HS6ST3: variants seen among roughly 807,000 people sequenced by gnomAD.
HS6ST3 encodes the protein heparan sulfate 6-O-sulfotransferase 3.
A neutral mutation model predicts 36.7 loss-of-function variants in HS6ST3; 12 were observed. That is an observed-to-expected ratio of 0.33 (90% confidence interval 0.21 to 0.53). HS6ST3 has a LOEUF of 0.53. Ranked by LOEUF, HS6ST3 falls within the 20% of genes least tolerant of loss-of-function variation. The pLI is 0.95. For synonymous variants in HS6ST3, 240 were observed against 257.5 expected (o/e 0.93, Z 0.65); for missense variants, 584 against 640.9 (o/e 0.91, Z 0.96).
chr13:96,548,839 A>T (rs540531765), intron 1 of HS6ST3, among the ~76,000 whole-genome samples: 26 of 152,288 alleles, frequency 1.7e-4, no homozygotes, highest in Admixed American at 1.2e-3. Context: ...CCCACGTGAG[A>T]GAGGGCAATC....
chr13:96,476,505 G>A (rs35732205), intron 1 of HS6ST3, among the ~76,000 whole-genome samples: 7,096 of 152,248 alleles, frequency 0.047, 215 homozygotes, highest in Middle Eastern at 0.092. Flanking sequence ...TGGGACTATA[G>A]GCGCCCACCA....
At chr13:96,262,415 G>T (rs371011184) in intron 1 of HS6ST3, among the ~76,000 whole-genome samples, 1 of 152,152 alleles carries the variant, frequency 6.6e-6, no homozygotes, top group Admixed American at 6.5e-5. Context: ...CTTCTGTGAC[G>T]TATGTGTCTG....
chr13:96,655,868 A>G (rs1328107550), intron 1 of HS6ST3, among the ~76,000 whole-genome samples: 1 of 152,114 alleles, frequency 6.6e-6, no homozygotes, highest in East Asian at 1.9e-4. Flanking sequence ...CAGGCTTCTC[A>G]GGGTTCCACT....
intron 1 of HS6ST3, among the ~76,000 whole-genome samples, chr13:96,398,305 C>T (rs1159217932): frequency 6.6e-6 from 1 of 152,058 alleles, no homozygotes; most frequent in Non-Finnish European, 1.5e-5. Context: ...TTTTTTGAGA[C>T]AGAATATTTC....
intron 1 of HS6ST3, among the ~76,000 whole-genome samples, chr13:96,317,673 TA>T (rs2054982661): frequency 6.6e-6 from 1 of 151,438 alleles, no homozygotes; most frequent in African/African-American, 2.4e-5. Flanking sequence ...TTTACATTCT[TA>T]GCCAACAGTA....
chr13:96,754,132 G>A (rs551187802), intron 1 of HS6ST3, among the ~76,000 whole-genome samples: 331 of 152,110 alleles, frequency 2.2e-3, no homozygotes, highest in Middle Eastern at 0.01. Flanking sequence ...ATGTTTTTTT[G>A]ATCCAAGTTT....
chr13:96,163,037 A>G (rs2054143287), intron 1 of HS6ST3, among the ~76,000 whole-genome samples: 2 of 152,084 alleles, frequency 1.3e-5, no homozygotes, highest in East Asian at 1.9e-4. Context: ...CCTGACTCCA[A>G]ACTTCTAACA....
In HS6ST3 at chr13:96,151,512, T is replaced by C. The variant is rs149125753; in HGVS notation, c.707+59943T>C. Among the ~76,000 whole-genome samples the C allele has an allele frequency of 5.3e-5, 8 of 152,262 alleles. No individual in the cohort carries two copies. In the East Asian group the frequency reaches 1.4e-3, roughly 26 times the overall value. On this transcript the variant is annotated intron_variant, in intron 1 of 1. Coordinates refer to ENST00000376705, the MANE Select transcript of HS6ST3 (RefSeq NM_153456.4). ...AGTCTAGATGGATATACGCACAGTG[T>C]CAACAGTGGTTATCTTTTGGTGGAG...
At chr13:96,201,337 A>G (rs1017382802) in intron 1 of HS6ST3, among the ~76,000 whole-genome samples, 2 of 152,106 alleles carry the variant, frequency 1.3e-5, no homozygotes, top group Non-Finnish European at 2.9e-5. Context: ...GGAGGAAGCC[A>G]TCCTAGATTA....
At chr13:96,504,728 C>T (rs1407783395) in intron 1 of HS6ST3, among the ~76,000 whole-genome samples, 1 of 151,870 alleles carries the variant, frequency 6.6e-6, no homozygotes, top group Non-Finnish European at 1.5e-5. Context: ...CCTTCTTTTC[C>T]CCCTCTTCAG....
At chr13:96,537,867 C>T (rs887651019) in intron 1 of HS6ST3, among the ~76,000 whole-genome samples, 3 of 152,092 alleles carry the variant, frequency 2.0e-5, no homozygotes, top group African/African-American at 7.2e-5. Flanking sequence ...CCTCTGTTTG[C>T]AAAGGCACAG....
At chr13:96,674,567 G>A (rs778774093) in intron 1 of HS6ST3, among the ~76,000 whole-genome samples, 12 of 151,972 alleles carry the variant, frequency 7.9e-5, no homozygotes, top group Non-Finnish European at 1.5e-4. Context: ...TCCTTCATGA[G>A]CCGACTCTCA....
At chr13:96,140,979 GTTTCCA>G in intron 1 of HS6ST3, among the ~76,000 whole-genome samples, 1 of 152,282 alleles carries the variant, frequency 6.6e-6, no homozygotes, top group Non-Finnish European at 1.5e-5. Flanking sequence ...TTCCTGACAA[GTTTCCA>G]GATTTTCCGA....
chr13:96,310,459 C>T (rs201380404), intron 1 of HS6ST3, among the ~76,000 whole-genome samples: 1 of 151,982 alleles, frequency 6.6e-6, no homozygotes, highest in Non-Finnish European at 1.5e-5. Flanking sequence ...TTGAGAGATT[C>T]TAAAAATGGG....
intron 1 of HS6ST3, among the ~76,000 whole-genome samples, chr13:96,344,226 A>G (rs1307894618): frequency 1.3e-5 from 2 of 151,046 alleles, no homozygotes; most frequent in Admixed American, 1.3e-4. Flanking sequence ...ATCTACTTCT[A>G]GGTCCCAGAG....
chr13:96,682,664 T>C (rs2056722377), intron 1 of HS6ST3, among the ~76,000 whole-genome samples: 4 of 152,126 alleles, frequency 2.6e-5, no homozygotes, highest in African/African-American at 9.7e-5. Context: ...GCTAAAGTGC[T>C]TAAGGTGAAT....
At chr13:96,745,391 G>A (rs551880850) in intron 1 of HS6ST3, among the ~76,000 whole-genome samples, 1 of 152,208 alleles carries the variant, frequency 6.6e-6, no homozygotes, top group African/African-American at 2.4e-5. Flanking sequence ...TAGGATTTAA[G>A]GCAGTGCCCA....
chr13:96,262,560 A>G (rs1217411635), intron 1 of HS6ST3, among the ~76,000 whole-genome samples: 1 of 152,224 alleles, frequency 6.6e-6, no homozygotes, highest in African/African-American at 2.4e-5. Flanking sequence ...AAAATACAAA[A>G]GTAAGATTAT....
At chr13:96,156,305 C>G (rs575867259) in intron 1 of HS6ST3, among the ~76,000 whole-genome samples, 1 of 152,270 alleles carries the variant, frequency 6.6e-6, no homozygotes, top group African/African-American at 2.4e-5. Flanking sequence ...CGGTGCTATA[C>G]TGTGGCATCC....
Sources: allele counts gnomAD v4.1 joint callset (sites outside exome capture counted in the v4.1 genomes callset), GRCh38; gene constraint gnomAD v4.1.1; transcripts MANE v1.5; gene names NCBI Gene and HGNC (gene_info 2026-07-23, HGNC 2026-07-21).